SCRN3: variants seen among roughly 807,000 people sequenced by gnomAD.
The protein encoded by SCRN3 is secernin-3.
SCRN3 carries 39 observed loss-of-function variants against 43.1 expected under a neutral mutation model. The observed-to-expected ratio is 0.91, with a 90% CI of 0.70 to 1.18. The LOEUF (loss-of-function observed/expected upper bound fraction) is 1.18, where lower values mean the gene tolerates loss of function less well. SCRN3 is among the 50% of genes most tolerant of loss of function. SCRN3 has a pLI of 0.00. For synonymous variants in SCRN3, 147 were observed against 163.1 expected, an observed-to-expected ratio of 0.90 and a Z score of 0.75; for missense variants, 484 against 498.0, an observed-to-expected ratio of 0.97 and a Z score of 0.27.
chr2:174,419,734 T>C (rs960857161), intron 5 of SCRN3, among the ~76,000 whole-genome samples: 1 of 152,178 alleles, frequency 6.6e-6, no homozygotes. Flanking sequence ...TACTTGTTAC[T>C]TGTTACCTGG....
In SCRN3 at chr2:174,422,949, G is replaced by A. The variant is rs1686343793; in HGVS notation, c.819G>A (p.Glu273=). 1.2e-6 allele frequency: 2 copies of A among 1,612,392 alleles called. No individual in the cohort carries two copies. The highest frequency in any genetic ancestry group is 1.7e-6 in the Non-Finnish European group (2 of 1,178,426). The change falls in exon 6 of 8, where the codon GAG becomes GAA. Residue 273 remains glutamate (E), a synonymous_variant. Transcript: ENST00000272732. ...ATAAACCAAGTGGCATTAATATGGA[G>A]GGAGAATTCCTGACCACTGCAAGCA... The part of the protein sequence containing the change: ...LRDKPSGINM[E]GEFLTTASMV...
intron 5 of SCRN3, among the ~76,000 whole-genome samples, chr2:174,406,675 T>C (rs1178269375): frequency 1.4e-5 from 2 of 142,956 alleles, no homozygotes; most frequent in African/African-American, 4.9e-5. Context: ...TGAAGGGTTG[T>C]TGAATTTTGT....
At position 174,418,496 on chromosome 2, in the gene SCRN3, T is replaced by C. The variant is rs535800858; in HGVS notation, c.755-4389T>C. 1.1e-3 allele frequency among the ~76,000 whole-genome samples: 161 copies of C among 152,336 alleles called. 2 individuals carry two copies. In the South Asian group the frequency reaches 0.026, roughly 25 times the overall value. On this transcript the variant is annotated intron_variant, in intron 5 of 7. Coordinates refer to ENST00000272732, the MANE Select transcript of SCRN3 (RefSeq NM_024583.5). ...ATTGCAATGAAATTACACCCTATGT[T>C]TTGCATTTATTTTACTGAACCCTGC... is the stretch of plus-strand genomic sequence containing the variant.
intron 5 of SCRN3, among the ~76,000 whole-genome samples, chr2:174,411,882 C>T (rs1370813579): frequency 6.6e-6 from 1 of 152,164 alleles, no homozygotes; most frequent in African/African-American, 2.4e-5. Flanking sequence ...GATTGCACCA[C>T]TGCACTCCAG....
chr2:174,419,994 G>T (rs758720833), intron 5 of SCRN3, among the ~76,000 whole-genome samples: 1 of 152,022 alleles, frequency 6.6e-6, no homozygotes, highest in Non-Finnish European at 1.5e-5. Flanking sequence ...GAGTAGAGAC[G>T]AAGGGCCTAG....
intron 6 of SCRN3, among the ~76,000 whole-genome samples, chr2:174,423,661 G>T (rs1170161948): frequency 6.6e-6 from 1 of 151,936 alleles, no homozygotes; most frequent in Non-Finnish European, 1.5e-5. Flanking sequence ...AGTAGAGACA[G>T]GGTTTCACTG....
At chr2:174,419,807 T>C (rs1052847622) in intron 5 of SCRN3, among the ~76,000 whole-genome samples, 9 of 152,214 alleles carry the variant, frequency 5.9e-5, no homozygotes, top group Non-Finnish European at 2.9e-5. Flanking sequence ...AAGAGACTTA[T>C]GTATTTAATA....
At chr2:174,422,853 G>A in intron 5 of SCRN3, 32 bp from the exon 6 acceptor site, 1 of 1,449,032 alleles carries the variant, frequency 6.9e-7, no homozygotes, top group Non-Finnish European at 9.7e-7. Context: ...ATATGCATAT[G>A]TATTTGATGA....
intron 4 of SCRN3, among the ~76,000 whole-genome samples, chr2:174,401,843 A>G (rs1390623290): frequency 6.6e-6 from 1 of 152,246 alleles, no homozygotes; most frequent in Non-Finnish European, 1.5e-5. Context: ...ATGTTTAAGC[A>G]TAATCATGTC....
intron 5 of SCRN3, among the ~76,000 whole-genome samples, chr2:174,411,651 G>A (rs1468278212): frequency 6.6e-6 from 1 of 152,146 alleles, no homozygotes; most frequent in African/African-American, 2.4e-5. Context: ...GCTGGGTTCT[G>A]TGGCTCACGT....
chr2:174,424,171 TC>T (rs1426589939), intron 6 of SCRN3, among the ~76,000 whole-genome samples: 1 of 152,168 alleles, frequency 6.6e-6, no homozygotes, highest in Non-Finnish European at 1.5e-5. Flanking sequence ...GTTGTTCTTA[TC>T]CTCCAACTGT....
At chr2:174,406,098 T>C (rs1685684705) in intron 5 of SCRN3, among the ~76,000 whole-genome samples, 1 of 139,884 alleles carries the variant, frequency 7.1e-6, no homozygotes. Flanking sequence ...AAGCATGGAA[T>C]GTTCTTCCAT....
In SCRN3 at chr2:174,404,194, T is replaced by C. The variant is rs1685601323; in HGVS notation, c.633T>C (p.Gly211=). Residue 211 remains glycine, a synonymous_variant, in exon 5 of 8, where the codon GGT becomes GGC. Coordinates refer to ENST00000272732, the MANE Select transcript of SCRN3 (RefSeq NM_024583.5). ...TGAGAAACTATGCTAAGCGGAAAGG[T>C]TGGTGGGATGGTAAAAAGGAGTTTG... is the stretch of plus-strand genomic sequence containing the variant. ...PDMRNYAKRK[G]WWDGKKEFDF... 6.2e-7 allele frequency: 1 copy of C among 1,613,618 alleles called. No individual in the cohort carries two copies. The highest frequency in any genetic ancestry group is 8.5e-7 in the Non-Finnish European group (1 of 1,179,784).
chr2:174,407,753 C>T (rs1685748630), intron 5 of SCRN3, among the ~76,000 whole-genome samples: 1 of 116,318 alleles, frequency 8.6e-6, no homozygotes, highest in Non-Finnish European at 1.7e-5. Flanking sequence ...GTTCAGTTTC[C>T]ATGTAGTTGA....
At chr2:174,425,383 C>A (rs1023126348) in intron 7 of SCRN3, among the ~76,000 whole-genome samples, 2 of 152,114 alleles carry the variant, frequency 1.3e-5, no homozygotes, top group African/African-American at 4.8e-5. Flanking sequence ...CATCTGTTGA[C>A]CCCCTGCAAT....
In SCRN3 at chr2:174,400,040, A is replaced by AAGCT. The variant is rs1442396053; in HGVS notation, c.279_282dup (p.Val95SerfsTer10). On this transcript the variant is annotated frameshift_variant, in exon 3 of 8. Coordinates refer to ENST00000272732, the MANE Select transcript of SCRN3 (RefSeq NM_024583.5). LOFTEE classifies it high-confidence loss of function. ...GAGCATGGAGTTTGCATTGGGAATG[A>AAGCT]AGCTGTATGGGGAAGAGAAGAAGTT... The AAGCT allele has an allele frequency of 9.4e-6, 15 of 1,601,154 alleles. No individual in the cohort carries two copies. Among genetic ancestry groups the AAGCT allele is most frequent in the Non-Finnish European group, 1.3e-5 (15 of 1,175,160 alleles).
rs1251848830 is a variant in SCRN3, at chr2:174,428,116, G to A, written c.*221G>A. 4 of 318,892 alleles carry A rather than the reference G, an allele frequency of 1.3e-5. No individual in the cohort carries two copies. The highest frequency in any genetic ancestry group is 2.7e-4 in the South Asian group (2 of 7,516). The allele number at this position is 318,892 out of a possible 1,614,324, so 19.8% of individuals were successfully genotyped here. ...TGGATTCATGTATCGTGGGATACAG[G>A]TGTTATTTCAGGTGATGTACTTGCA... On this transcript the variant is annotated 3_prime_UTR_variant, in exon 8 of 8. Coordinates refer to ENST00000272732, the MANE Select transcript of SCRN3 (RefSeq NM_024583.5).
Position 174,400,061 on chromosome 2 carries a change from A to T in SCRN3, c.299A>T (p.Glu100Val). ...AATGAAGCTGTATGGGGAAGAGAAG[A>T]AGTTTGTGATGAAGAAGCACTATTA... ...IGNEAVWGRE[E>V]VCDEEALLGM... The change falls in exon 3 of 8, where the codon GAA (glutamate) becomes GTA (valine). Residue 100 changes from glutamate to valine, a missense_variant. Physicochemically the swap from Glu to Val is moderately radical, Grantham distance 121. Coordinates refer to ENST00000272732, the MANE Select transcript of SCRN3 (RefSeq NM_024583.5). The T allele has an allele frequency of 6.3e-7, 1 of 1,597,806 alleles. No homozygotes were observed. The highest frequency in any genetic ancestry group is 8.5e-7 in the Non-Finnish European group (1 of 1,174,052).
intron 6 of SCRN3, among the ~76,000 whole-genome samples, chr2:174,423,711 C>T (rs991462109): frequency 1.5e-4 from 23 of 151,716 alleles, no homozygotes; most frequent in Admixed American, 6.6e-4. Context: ...CTTTGTGATC[C>T]GCCCACCTCG....
Sources: allele counts gnomAD v4.1 joint callset (sites outside exome capture counted in the v4.1 genomes callset), GRCh38; gene constraint gnomAD v4.1.1; transcripts MANE v1.5; gene names NCBI Gene and HGNC (gene_info 2026-07-23, HGNC 2026-07-21).